Variants in RMDN2 observed in about 807,000 individuals in gnomAD.
RMDN2 encodes the protein regulator of microtubule dynamics 2.
In RMDN2, 61 loss-of-function variants were observed where a neutral mutation model predicts 52.8. The observed-to-expected ratio is 1.16, with a 90% confidence interval of 0.94 to 1.43. RMDN2 has a LOEUF of 1.43. Ranked by LOEUF, RMDN2 falls within the 40% of genes most tolerant of loss-of-function variation. RMDN2 has a pLI of 0.00. For synonymous variants in RMDN2, 180 were observed against 153.1 expected, an observed-to-expected ratio of 1.18 and a Z score of -1.30; for missense variants, 592 against 475.3, an observed-to-expected ratio of 1.25 and a Z score of -2.28.
At chr2:37,950,587 G>C in intron 2 of RMDN2, 2 of 1,613,182 alleles carry the variant, frequency 1.2e-6, no homozygotes, top group Non-Finnish European at 1.7e-6. Flanking sequence ...CAATGGGAAA[G>C]TGCTTAAGGT....
rs538578239 is a variant in RMDN2, at chr2:38,014,310, T to C, written c.1180-2876T>C. The stretch of plus-strand genomic sequence containing the variant: ...TTTCATGATTTGTAGAAAGTCTGTT[T>C]ACAACCCGCTATTTCTACTCTTTTG... On this transcript the variant is annotated intron_variant, in intron 10 of 10. Coordinates refer to ENST00000354545, the MANE Select transcript of RMDN2 (RefSeq NM_001170791.3). Among the ~76,000 whole-genome samples the C allele has an allele frequency of 5.9e-5, 9 of 152,370 alleles. No homozygotes were observed. The East Asian group carries it at 1.7e-3, about 29-fold the overall frequency.
At chr2:37,931,396 A>G (rs1666730908) in intron 2 of RMDN2, among the ~76,000 whole-genome samples, 1 of 152,214 alleles carries the variant, frequency 6.6e-6, no homozygotes, top group Admixed American at 6.5e-5. Flanking sequence ...TCCTACCTGT[A>G]TGTAAATCTG....
chr2:37,982,822 CATA>C (rs1172542972), intron 5 of RMDN2, among the ~76,000 whole-genome samples: 1 of 152,132 alleles, frequency 6.6e-6, no homozygotes, highest in African/African-American at 2.4e-5. Flanking sequence ...ATCTAATTTA[CATA>C]ATAACACTAG....
chr2:37,926,145 G>T (rs1666259882), intron 1 of RMDN2, among the ~76,000 whole-genome samples: 2 of 152,116 alleles, frequency 1.3e-5, no homozygotes, highest in African/African-American at 2.4e-5. Flanking sequence ...TGCAAAATTT[G>T]TCATACCTTC....
intron 7 of RMDN2, among the ~76,000 whole-genome samples, chr2:37,994,827 G>C (rs1477874891): frequency 6.6e-6 from 1 of 152,100 alleles, no homozygotes; most frequent in African/African-American, 2.4e-5. Context: ...ACAAAGACTA[G>C]CATATGAATT....
intron 8 of RMDN2, among the ~76,000 whole-genome samples, chr2:38,001,283 G>A (rs1042374521): frequency 1.1e-4 from 16 of 152,190 alleles, no homozygotes; most frequent in African/African-American, 3.9e-4. Flanking sequence ...GGATAGCCAA[G>A]ACAAATTAAA....
intron 10 of RMDN2, among the ~76,000 whole-genome samples, chr2:38,045,384 A>G (rs566161017): frequency 6.6e-6 from 1 of 152,346 alleles, no homozygotes; most frequent in Admixed American, 6.5e-5. Context: ...AAACTGCTGC[A>G]CAAATGTAGG....
chr2:38,022,891 C>G (rs993950980), intron 10 of RMDN2, among the ~76,000 whole-genome samples: 8 of 152,168 alleles, frequency 5.3e-5, no homozygotes, highest in Admixed American at 4.6e-4. Context: ...GTGTAAGTGA[C>G]AGGGTCGGGG....
chr2:38,020,293 TA>T (rs1218151884), downstream of RMDN2, among the ~76,000 whole-genome samples: 2 of 152,208 alleles, frequency 1.3e-5, no homozygotes, highest in African/African-American at 4.8e-5. Context: ...TGGTCCCATC[TA>T]GGGGTGACGG....
chr2:37,963,526 AG>A (rs1474395355), intron 2 of RMDN2, among the ~76,000 whole-genome samples: 2 of 151,970 alleles, frequency 1.3e-5, no homozygotes, highest in African/African-American at 4.8e-5. Flanking sequence ...ACTCTTAATG[AG>A]CATGCTGCCT....
At chr2:37,928,041 A>T (rs1332713248) in intron 1 of RMDN2, among the ~76,000 whole-genome samples, 1 of 152,206 alleles carries the variant, frequency 6.6e-6, no homozygotes, top group Non-Finnish European at 1.5e-5. Flanking sequence ...CTTTCTCTGG[A>T]ATCTTTGGTT....
At chr2:37,923,821 C>T (rs1432147628), upstream of RMDN2, among the ~76,000 whole-genome samples, 1 of 152,208 alleles carries the variant, frequency 6.6e-6, no homozygotes, top group Non-Finnish European at 1.5e-5. Flanking sequence ...CCGATCTCGG[C>T]TCACTGCAAC....
chr2:38,053,003 G>A (rs1032364817), intron 10 of RMDN2, among the ~76,000 whole-genome samples: 4 of 152,288 alleles, frequency 2.6e-5, no homozygotes, highest in African/African-American at 9.6e-5. Context: ...TGTCAAGGCT[G>A]CCAAATGTCA....
At chr2:37,940,147 G>C (rs536698285) in intron 2 of RMDN2, among the ~76,000 whole-genome samples, 1 of 152,278 alleles carries the variant, frequency 6.6e-6, no homozygotes, top group South Asian at 2.1e-4. Context: ...GTGAAGCTTA[G>C]TTTGGCTCGA....
At chr2:38,048,698 C>G (rs1349666662) in intron 10 of RMDN2, among the ~76,000 whole-genome samples, 1 of 152,124 alleles carries the variant, frequency 6.6e-6, no homozygotes, top group African/African-American at 2.4e-5. Context: ...GGGATCCTTC[C>G]CAGTGAAATC....
chr2:37,974,190 A>G lies in RMDN2; in HGVS notation c.603A>G (p.Glu201=). The G allele has an allele frequency of 6.2e-7, 1 of 1,612,572 alleles. No homozygotes were observed. ...MSESGKSESF[E]LLRDHKEKFR... ...AGTCTGGCAAGTCGGAGAGTTTTGA[A>G]CTACTTCGTGACCACAAAGAAAAGG... Residue 201 remains glutamate (E), a synonymous_variant, in exon 3 of 11, where the codon GAA becomes GAG. Coordinates refer to ENST00000354545, the MANE Select transcript of RMDN2 (RefSeq NM_001170791.3).
chr2:38,030,566 TACA>T (rs1249765108), intron 10 of RMDN2: 1 of 152,256 alleles, frequency 6.6e-6, no homozygotes, highest in Non-Finnish European at 1.5e-5. Flanking sequence ...ATATTATGTT[TACA>T]ACATGTTAAA....
chr2:38,013,873 C>G (rs1678349126), intron 10 of RMDN2, among the ~76,000 whole-genome samples: 3 of 152,182 alleles, frequency 2.0e-5, no homozygotes, highest in South Asian at 2.1e-4. Context: ...CTCATCTGTG[C>G]TATCCGTGCC....
At chr2:38,041,381 A>C (rs1680938281) in intron 10 of RMDN2, among the ~76,000 whole-genome samples, 1 of 149,084 alleles carries the variant, frequency 6.7e-6, no homozygotes, top group African/African-American at 2.5e-5. Flanking sequence ...CAGACATGTC[A>C]TCTACAAAGA....
Sources: gnomAD v4.1 joint callset for allele counts (sites outside exome capture counted in the v4.1 genomes callset) on GRCh38, gnomAD v4.1.1 for gene constraint, MANE v1.5 for transcripts, NCBI Gene and HGNC (gene_info 2026-07-23, HGNC 2026-07-21) for gene names.